Variants in TUSC3 observed in about 807,000 individuals in gnomAD.
TUSC3 encodes tumor suppressor candidate 3.
Under a neutral mutation model 44.8 loss-of-function variants are expected in TUSC3, and 45 were observed. That is an observed-to-expected ratio of 1.00 (90% CI 0.79 to 1.29). The LOEUF is 1.29. Ranked by LOEUF, TUSC3 falls within the 50% of genes most tolerant of loss-of-function variation. The probability of loss-of-function intolerance (pLI) is 0.00; values close to 1 mark genes in which losing one functional copy is unlikely to be tolerated. For missense variants in TUSC3, 519 were observed against 437.9 expected (o/e 1.19, Z -1.65); for synonymous variants, 212 against 152.9 (o/e 1.39, Z -2.85).
chr8:15,493,896 A>G (rs994714715), intron 2 of TUSC3, among the ~76,000 whole-genome samples: 2 of 152,186 alleles, frequency 1.3e-5, no homozygotes, highest in Non-Finnish European at 2.9e-5. Context: ...GAGTATCCTG[A>G]TGATTTCCAC....
intron 2 of TUSC3, among the ~76,000 whole-genome samples, chr8:15,508,606 C>T (rs568038173): frequency 6.6e-6 from 1 of 151,718 alleles, no homozygotes; most frequent in Non-Finnish European, 1.5e-5. Context: ...GGACTACAGG[C>T]GCCTGCCACC....
At chr8:15,434,927 G>T (rs1799926715) in intron 1 of TUSC3, among the ~76,000 whole-genome samples, 1 of 151,218 alleles carries the variant, frequency 6.6e-6, no homozygotes, top group Non-Finnish European at 1.5e-5. Context: ...TCTTAATCCA[G>T]TCTATCATTG....
upstream of TUSC3, chr8:15,540,217 T>TTCCTG (rs1321642257): frequency 1.6e-6 from 1 of 626,378 alleles, no homozygotes; most frequent in Non-Finnish European, 2.4e-6. Context: ...CCTGCCCCCA[T>TTCCTG]CCCGCGCCTT....
At chr8:15,725,625 T>C (rs1336572377) in intron 6 of TUSC3, among the ~76,000 whole-genome samples, 1 of 151,562 alleles carries the variant, frequency 6.6e-6, no homozygotes, top group Non-Finnish European at 1.5e-5. Flanking sequence ...ATGATGATGA[T>C]GACGGTAGAT....
At chr8:15,548,284 T>G (rs565358526) in intron 1 of TUSC3, among the ~76,000 whole-genome samples, 64 of 152,016 alleles carry the variant, frequency 4.2e-4, no homozygotes, top group African/African-American at 1.5e-3. Context: ...GGTTTAAGTA[T>G]TGAGAGAAGC....
chr8:15,675,583 GT>G (rs1808150212), intron 6 of TUSC3, among the ~76,000 whole-genome samples: 1 of 152,028 alleles, frequency 6.6e-6, no homozygotes, highest in African/African-American at 2.4e-5. Flanking sequence ...CAAATAGGTA[GT>G]TTTTCAGCCC....
the TUSC3 span, among the ~76,000 whole-genome samples, chr8:15,815,226 A>C: frequency 2.6e-5 from 4 of 152,108 alleles, no homozygotes; most frequent in Non-Finnish European, 5.9e-5. Context: ...TGGATATGAA[A>C]GATAGATAGA....
chr8:15,436,926 G>T (rs1314472158), intron 1 of TUSC3, among the ~76,000 whole-genome samples: 1 of 152,094 alleles, frequency 6.6e-6, no homozygotes, highest in African/African-American at 2.4e-5. Flanking sequence ...TGATAATTCA[G>T]ATCAATCTTT....
At chr8:15,759,345 G>A (rs1271992470) in intron 10 of TUSC3, among the ~76,000 whole-genome samples, 4 of 152,014 alleles carry the variant, frequency 2.6e-5, no homozygotes, top group Non-Finnish European at 5.9e-5. Flanking sequence ...GAAGAGCAGT[G>A]CACAAATATG....
intron 2 of TUSC3, among the ~76,000 whole-genome samples, chr8:15,624,410 C>T (rs898346033): frequency 3.3e-5 from 5 of 152,158 alleles, no homozygotes; most frequent in Non-Finnish European, 7.3e-5. Flanking sequence ...TCTAGAATGG[C>T]TGTATCATTT....
At chr8:15,778,858 G>C in the TUSC3 span, among the ~76,000 whole-genome samples, 1 of 152,150 alleles carries the variant, frequency 6.6e-6, no homozygotes, top group African/African-American at 2.4e-5. Context: ...TCAGACTTGA[G>C]TTAGATACAG....
the TUSC3 span, among the ~76,000 whole-genome samples, chr8:15,788,831 C>T: frequency 1.3e-5 from 2 of 152,124 alleles, no homozygotes; most frequent in African/African-American, 4.8e-5. Flanking sequence ...AGTTGCAAAG[C>T]CACTCTCTTA....
chr8:15,782,814 A>G, the TUSC3 span, among the ~76,000 whole-genome samples: 2 of 152,334 alleles, frequency 1.3e-5, no homozygotes, highest in South Asian at 2.1e-4. Flanking sequence ...TTTCTCTAAG[A>G]AACAAGACCA....
chr8:15,790,154 GTAAC>G, the TUSC3 span, among the ~76,000 whole-genome samples: 1 of 146,822 alleles, frequency 6.8e-6, no homozygotes, highest in African/African-American at 2.5e-5. Flanking sequence ...ATAAGGAGTG[GTAAC>G]TAACAGGTCA....
chr8:15,797,550 A>G, the TUSC3 span, among the ~76,000 whole-genome samples: 1 of 152,194 alleles, frequency 6.6e-6, no homozygotes, highest in Non-Finnish European at 1.5e-5. Flanking sequence ...CTGAGGATGA[A>G]CATTCTGACT....
At chr8:15,619,768 C>T in intron 1 of TUSC3, among the ~76,000 whole-genome samples, 1 of 152,166 alleles carries the variant, frequency 6.6e-6, no homozygotes, top group Middle Eastern at 3.4e-3. Context: ...CCTCGGCCTC[C>T]CAAAGTGCTG....
intron 7 of TUSC3, 108 bp downstream of exon 7, chr8:15,730,837 A>G (rs1810693116): frequency 9.3e-7 from 1 of 1,074,938 alleles, no homozygotes; most frequent in Non-Finnish European, 1.4e-6. Flanking sequence ...GAGACATTAA[A>G]TTTTAGGCTG....
chr8:15,581,111 G>C lies in TUSC3; in HGVS notation c.138+40543G>C, dbSNP rs1206506802. ...ACCCTCTCTTCCAGTTGATCGCATC[G>C]GCTCCTGAGGCTTCTGCATTCTTCA... On this transcript the variant is annotated intron_variant, in intron 1 of 10. Transcript: ENST00000503731. Among the ~76,000 whole-genome samples, 3 of 129,044 alleles carry C rather than the reference G, an allele frequency of 2.3e-5. No homozygotes were observed. In the Admixed American group the frequency reaches 2.4e-4, roughly 10 times the overall value. The allele number at this position is 129,044 out of a possible 152,430, so 84.7% of individuals were successfully genotyped here.
At chr8:15,589,232 G>A (rs1351807354) in intron 1 of TUSC3, among the ~76,000 whole-genome samples, 1 of 152,186 alleles carries the variant, frequency 6.6e-6, no homozygotes, top group Non-Finnish European at 1.5e-5. Flanking sequence ...TTTGTAGGCA[G>A]CATACGTCCA....
Sources: gnomAD v4.1 joint callset for allele counts (sites outside exome capture counted in the v4.1 genomes callset) on GRCh38, gnomAD v4.1.1 for gene constraint, MANE v1.5 for transcripts, NCBI Gene and HGNC (gene_info 2026-07-23, HGNC 2026-07-21) for gene names.